The following PIEZO2 variants were observed in gnomAD, a reference collection of about 807,000 sequenced individuals.
The protein encoded by PIEZO2 is piezo-type mechanosensitive ion channel component 2.
A neutral mutation model predicts 337.3 loss-of-function variants in PIEZO2; 172 were observed. That is an observed-to-expected ratio of 0.51 (90% CI 0.45 to 0.58). The LOEUF (loss-of-function observed/expected upper bound fraction) is 0.58. PIEZO2 is among the 20% of genes least tolerant of loss of function. PIEZO2 has a pLI of 0.00. For synonymous variants in PIEZO2, 1,251 were observed against 1,228.5 expected, an observed-to-expected ratio of 1.02 and a Z score of -0.38; for missense variants, 3,028 against 3,391.3, an observed-to-expected ratio of 0.89 and a Z score of 2.66.
chr18:10,968,543 A>G (rs2145422238), intron 3 of PIEZO2, among the ~76,000 whole-genome samples: 1 of 152,300 alleles, frequency 6.6e-6, no homozygotes, highest in South Asian at 2.1e-4. Context: ...CTTACTCTCC[A>G]GTGTTACTTC....
At chr18:10,904,414 T>C (rs1179360168) in intron 4 of PIEZO2, among the ~76,000 whole-genome samples, 1 of 152,248 alleles carries the variant, frequency 6.6e-6, no homozygotes, top group Non-Finnish European at 1.5e-5. Flanking sequence ...GGAAAAGGTC[T>C]ACTGTGTAGA....
intron 4 of PIEZO2, among the ~76,000 whole-genome samples, chr18:10,898,002 T>G (rs1355207878): frequency 6.6e-6 from 1 of 152,194 alleles, no homozygotes; most frequent in East Asian, 1.9e-4. Flanking sequence ...ACAAAAAAAT[T>G]TAACATAAAA....
At chr18:10,774,800 C>T (rs2038730235) in intron 18 of PIEZO2, among the ~76,000 whole-genome samples, 1 of 152,288 alleles carries the variant, frequency 6.6e-6, no homozygotes, top group African/African-American at 2.4e-5. Flanking sequence ...CTCTATTTAT[C>T]ATAGTTAATC....
At chr18:10,738,126 C>G (rs2037080860) in intron 33 of PIEZO2, 2 of 152,154 alleles carry the variant, frequency 1.3e-5, no homozygotes, top group African/African-American at 2.4e-5. Context: ...AAATGCAATA[C>G]AACACAAGTG....
intron 3 of PIEZO2, among the ~76,000 whole-genome samples, chr18:10,947,624 AAATGATGCCG>A (rs1350647704): frequency 6.6e-6 from 1 of 152,164 alleles, no homozygotes; most frequent in Non-Finnish European, 1.5e-5. Flanking sequence ...AGATGGAAGG[AAATGATGCCG>A]AATGAAACTG....
At position 10,773,398 on chromosome 18, in the gene PIEZO2, A is replaced by G. The variant is rs1411762438; in HGVS notation, c.2785+14T>C. ...CAGCGTTCTCTGACCAGCTGCTGGT[A>G]GTGGGCTGATTACCTGATGTTTCTT... On this transcript the variant is annotated intron_variant, in intron 20 of 55. Coordinates refer to ENST00000674853, the MANE Select transcript of PIEZO2 (RefSeq NM_001378183.1). The surrounding 1 kb of genome is among the most constrained non-coding windows in gnomAD (Gnocchi z 5.3). 2.6e-6 allele frequency: 4 copies of G among 1,536,552 alleles called. No homozygotes were observed. Among genetic ancestry groups the G allele is most frequent in the African/African-American group, 2.7e-5 (2 of 73,044 alleles).
intron 1 of PIEZO2, among the ~76,000 whole-genome samples, chr18:11,137,033 C>T (rs1004529089): frequency 2.0e-5 from 3 of 152,188 alleles, no homozygotes; most frequent in Non-Finnish European, 2.9e-5. Flanking sequence ...TCTGCAGATA[C>T]AGAAAGCCAA....
chr18:10,805,272 G>A (rs1247669902), intron 8 of PIEZO2, among the ~76,000 whole-genome samples: 1 of 152,228 alleles, frequency 6.6e-6, no homozygotes, highest in African/African-American at 2.4e-5. Context: ...CCAGCACTCT[G>A]GGAGGCCAAG....
At chr18:10,745,456 T>C (rs2037387003) in intron 30 of PIEZO2, among the ~76,000 whole-genome samples, 1 of 152,174 alleles carries the variant, frequency 6.6e-6, no homozygotes, top group African/African-American at 2.4e-5. Flanking sequence ...GTCATGTCTC[T>C]AAGCCTTTAC....
intron 32 of PIEZO2, 60 bp from the exon 33 acceptor site, chr18:10,741,162 C>T: frequency 6.9e-7 from 1 of 1,444,200 alleles, no homozygotes; most frequent in Non-Finnish European, 9.2e-7. Context: ...ATTTTGAAAA[C>T]CACGCTTTAA....
Position 11,002,222 on chromosome 18 carries a change from T to A in PIEZO2, c.161-22562A>T, listed in dbSNP as rs1598810542. Reference sequence around the variant, plus strand: ...AAATAATTAATATTTTTCTCTTGATTTTTTCAACCATTTACATTCGCTCCT... The same window carrying A: ...AAATAATTAATATTTTTCTCTTGATATTTTCAACCATTTACATTCGCTCCT... On this transcript the variant is annotated intron_variant, in intron 2 of 55. Coordinates refer to ENST00000674853, the MANE Select transcript of PIEZO2 (RefSeq NM_001378183.1). The surrounding 1 kb of genome is among the most constrained non-coding windows in gnomAD (Gnocchi z 4.3). Among the ~76,000 whole-genome samples, 1 of 152,334 alleles carries A rather than the reference T, an allele frequency of 6.6e-6. No homozygotes were observed. Among genetic ancestry groups the A allele is most frequent in the African/African-American group, 2.4e-5 (1 of 41,574 alleles).
intron 5 of PIEZO2, among the ~76,000 whole-genome samples, 175 bp downstream of exon 5, chr18:10,871,078 C>T (rs530380781): frequency 6.6e-6 from 1 of 152,174 alleles, no homozygotes; most frequent in Admixed American, 6.5e-5. Context: ...ACCAGAGTGT[C>T]TGCCCACCGG....
At chr18:10,749,021 G>T (rs1342988549) in intron 29 of PIEZO2, among the ~76,000 whole-genome samples, 7 of 152,036 alleles carry the variant, frequency 4.6e-5, no homozygotes, top group Non-Finnish European at 8.8e-5. Context: ...ATACCCAGGG[G>T]TAACCAGCAG....
At chr18:10,849,389 T>C (rs936601404) in intron 7 of PIEZO2, among the ~76,000 whole-genome samples, 3 of 149,940 alleles carry the variant, frequency 2.0e-5, no homozygotes, top group Non-Finnish European at 4.4e-5. Flanking sequence ...ACTATTAAAA[T>C]TGGCTTTTAA....
At chr18:10,938,432 G>A (rs763867821) in intron 3 of PIEZO2, among the ~76,000 whole-genome samples, 4 of 152,162 alleles carry the variant, frequency 2.6e-5, no homozygotes, top group Non-Finnish European at 2.9e-5. Context: ...ACTGACTTCT[G>A]CCAAAAATCC....
intron 1 of PIEZO2, among the ~76,000 whole-genome samples, chr18:11,137,488 AAC>A (rs1467410314): frequency 1.3e-5 from 2 of 152,204 alleles, no homozygotes; most frequent in African/African-American, 4.8e-5. Context: ...GTAATTGAAA[AAC>A]AGAGAGTTTC....
At chr18:11,034,625 G>A (rs1329982890) in intron 2 of PIEZO2, among the ~76,000 whole-genome samples, 6 of 152,176 alleles carry the variant, frequency 3.9e-5, no homozygotes, top group African/African-American at 1.4e-4. Context: ...TCTTCACTTA[G>A]TCTTATCCTC....
At chr18:11,075,801 T>C (rs1361972374) in intron 1 of PIEZO2, among the ~76,000 whole-genome samples, 1 of 150,158 alleles carries the variant, frequency 6.7e-6, no homozygotes, top group Non-Finnish European at 1.5e-5. Context: ...TTTTTTTTTT[T>C]TTTTTGAGAC....
chr18:10,732,019 A>G (rs979310148), intron 35 of PIEZO2, among the ~76,000 whole-genome samples: 8 of 152,218 alleles, frequency 5.3e-5, no homozygotes, highest in Admixed American at 1.3e-4. Context: ...AGGGATTTGG[A>G]GAATGATTAG....
Sources: gnomAD v4.1 joint callset for allele counts (sites outside exome capture counted in the v4.1 genomes callset) on GRCh38, gnomAD v4.1.1 for gene constraint, Gnocchi (gnomAD v3.1) non-coding constraint, MANE v1.5 for transcripts, NCBI Gene and HGNC (gene_info 2026-07-23, HGNC 2026-07-21) for gene names.